Variants in ZNF407 observed in about 807,000 individuals in gnomAD.
ZNF407 encodes the protein zinc finger protein 407.
ZNF407 carries 17 observed loss-of-function variants against 131.2 expected under a neutral mutation model. The observed-to-expected ratio is 0.13, with a 90% CI of 0.09 to 0.19. The LOEUF (loss-of-function observed/expected upper bound fraction) is 0.19, where lower values mean the gene tolerates loss of function less well. Among genes scored for constraint, ZNF407 ranks in the 10% least tolerant of loss-of-function variants. The probability of loss-of-function intolerance (pLI) is 1.00; values close to 1 mark genes in which losing one functional copy is unlikely to be tolerated. For missense variants in ZNF407, 2,681 were observed against 2,830.6 expected (o/e 0.95, Z 1.20); for synonymous variants, 1,156 against 1,062.0 (o/e 1.09, Z -1.72).
intron 8 of ZNF407, among the ~76,000 whole-genome samples, chr18:75,022,249 T>G (rs1031744839): frequency 1.3e-5 from 2 of 152,166 alleles, no homozygotes; most frequent in Non-Finnish European, 2.9e-5. Flanking sequence ...TTTTGGACAT[T>G]AACTTGATGA....
intron 3 of ZNF407, among the ~76,000 whole-genome samples, chr18:74,689,516 G>A (rs1014119704): frequency 6.6e-6 from 1 of 152,216 alleles, no homozygotes; most frequent in Non-Finnish European, 1.5e-5. Context: ...GCAATGCAAA[G>A]CAACTGTCCA....
chr18:74,864,897 T>C (rs1269426715), intron 4 of ZNF407, among the ~76,000 whole-genome samples: 2 of 152,200 alleles, frequency 1.3e-5, no homozygotes, highest in African/African-American at 2.4e-5. Flanking sequence ...ATTTTTTCCA[T>C]TGAGCACCTA....
chr18:74,866,987 G>GAAAAAA (rs35418996), intron 4 of ZNF407, among the ~76,000 whole-genome samples: 1 of 62,776 alleles, frequency 1.6e-5, no homozygotes. Context: ...GTGTCTACCC[G>GAAAAAA]AAAAAAAAAA....
intron 4 of ZNF407, among the ~76,000 whole-genome samples, chr18:74,838,948 TTC>T (rs1205943554): frequency 2.0e-5 from 3 of 152,232 alleles, no homozygotes; most frequent in Non-Finnish European, 4.4e-5. Context: ...ATTTATATAC[TTC>T]TGTTTCCTGT....
intron 3 of ZNF407, among the ~76,000 whole-genome samples, chr18:74,751,461 G>A (rs1968799590): frequency 1.3e-5 from 2 of 152,026 alleles, no homozygotes; most frequent in Admixed American, 6.6e-5. Context: ...CCATGTTGGT[G>A]TGCTGCACCC....
chr18:74,652,385 C>T (rs1162704236), intron 3 of ZNF407, among the ~76,000 whole-genome samples: 2 of 151,924 alleles, frequency 1.3e-5, no homozygotes, highest in African/African-American at 2.4e-5. Flanking sequence ...CAAAATACAT[C>T]GTAGCCTTTT....
intron 3 of ZNF407, among the ~76,000 whole-genome samples, chr18:74,752,688 C>T (rs571980480): frequency 1.1e-3 from 165 of 152,018 alleles, no homozygotes; most frequent in Non-Finnish European, 1.3e-3. Flanking sequence ...TGGTTGTAGA[C>T]GTGTGGTATT....
intron 3 of ZNF407, among the ~76,000 whole-genome samples, chr18:74,750,729 A>G (rs1968781681): frequency 1.3e-5 from 2 of 152,126 alleles, no homozygotes; most frequent in South Asian, 4.1e-4. Flanking sequence ...TCGGGTATAT[A>G]GGAGTAGAAT....
At chr18:74,796,340 C>T (rs1447799239) in intron 4 of ZNF407, among the ~76,000 whole-genome samples, 1 of 152,082 alleles carries the variant, frequency 6.6e-6, no homozygotes, top group East Asian at 1.9e-4. Context: ...ACTGATAGAG[C>T]GTTAGGTTTT....
At chr18:74,949,514 G>T (rs952063042) in intron 8 of ZNF407, among the ~76,000 whole-genome samples, 1 of 152,110 alleles carries the variant, frequency 6.6e-6, no homozygotes, top group East Asian at 1.9e-4. Context: ...TTGAGATTAT[G>T]AGGAAAGCAA....
intron 4 of ZNF407, among the ~76,000 whole-genome samples, chr18:74,836,046 ATTAGATGTGT>A: frequency 6.6e-6 from 1 of 152,218 alleles, no homozygotes; most frequent in East Asian, 1.9e-4. Context: ...TTAGGGCACA[ATTAGATGTGT>A]GCTTCTAGAA....
chr18:74,956,600 A>G (rs552092280), intron 8 of ZNF407, among the ~76,000 whole-genome samples: 193 of 152,150 alleles, frequency 1.3e-3, no homozygotes, highest in African/African-American at 4.3e-3. Context: ...TGATGTTGAG[A>G]TGAAGGTTTG....
intron 3 of ZNF407, among the ~76,000 whole-genome samples, chr18:74,779,566 A>G (rs1316859825): frequency 6.6e-6 from 1 of 152,172 alleles, no homozygotes; most frequent in Non-Finnish European, 1.5e-5. Flanking sequence ...TTATAGTATT[A>G]AAACTTTTTC....
At chr18:74,701,990 A>T (rs1054232975) in intron 3 of ZNF407, among the ~76,000 whole-genome samples, 2 of 152,228 alleles carry the variant, frequency 1.3e-5, no homozygotes, top group Non-Finnish European at 2.9e-5. Flanking sequence ...TGGTATGCAC[A>T]TAGTGCTCTG....
intron 3 of ZNF407, among the ~76,000 whole-genome samples, chr18:74,716,192 G>T (rs573108017): frequency 1.3e-5 from 2 of 151,984 alleles, no homozygotes; most frequent in African/African-American, 4.8e-5. Context: ...TGCTACATTC[G>T]TGAGGTTTTG....
At chr18:74,861,268 C>G (rs1970933221) in intron 4 of ZNF407, among the ~76,000 whole-genome samples, 1 of 152,208 alleles carries the variant, frequency 6.6e-6, no homozygotes, top group South Asian at 2.1e-4. Flanking sequence ...CTGTCAGGCA[C>G]ATTCTTGTTG....
intron 3 of ZNF407, among the ~76,000 whole-genome samples, chr18:74,767,692 T>C (rs1469463841): frequency 4.3e-5 from 6 of 139,012 alleles, no homozygotes; most frequent in Non-Finnish European, 7.6e-5. Flanking sequence ...CTCGCTCTGT[T>C]GCCCAGGCTG....
At position 75,006,691 on chromosome 18, in the gene ZNF407, A is replaced by G. The variant is rs115614103; in HGVS notation, c.5429-56459A>G. Among the ~76,000 whole-genome samples the G allele has an allele frequency of 5.4e-3, 829 of 152,266 alleles. 10 individuals carry two copies. The highest frequency in any genetic ancestry group is 0.019 in the African/African-American group (779 of 41,556). On this transcript the variant is annotated intron_variant, in intron 8 of 8. Transcript: ENST00000299687. ...GGTACAGCAGTGAGCCCTTTGATAAATGTTTCATCTGGGCTTCCATAGATT... is the reference window on the plus strand; with the variant it reads ...GGTACAGCAGTGAGCCCTTTGATAAGTGTTTCATCTGGGCTTCCATAGATT...
At chr18:74,791,200 G>A (rs940762716) in intron 4 of ZNF407, among the ~76,000 whole-genome samples, 2 of 152,128 alleles carry the variant, frequency 1.3e-5, no homozygotes, top group African/African-American at 2.4e-5. Flanking sequence ...GAACATTAAG[G>A]CACTCTTTGA....
Sources: allele counts gnomAD v4.1 joint callset (sites outside exome capture counted in the v4.1 genomes callset), GRCh38; gene constraint gnomAD v4.1.1; transcripts MANE v1.5; gene names NCBI Gene and HGNC (gene_info 2026-07-23, HGNC 2026-07-21).